Variants in TMPRSS13 observed in about 807,000 individuals in gnomAD.
The protein encoded by TMPRSS13 is transmembrane protease serine 13.
In TMPRSS13, 50 loss-of-function variants were observed where a neutral mutation model predicts 68.4. The ratio of observed to expected loss-of-function variants is 0.73; its 90% CI spans 0.58 to 0.93. The LOEUF (loss-of-function observed/expected upper bound fraction) is 0.93. TMPRSS13 is among the 40% of genes least tolerant of loss of function. The probability of loss-of-function intolerance (pLI) is 0.00; values close to 1 mark genes in which losing one functional copy is unlikely to be tolerated. For synonymous variants in TMPRSS13, 267 were observed against 285.8 expected (o/e 0.93, Z 0.66); for missense variants, 615 against 729.2 (o/e 0.84, Z 1.80).
intron 10 of TMPRSS13, among the ~76,000 whole-genome samples, chr11:117,905,198 A>G (rs2057451860): frequency 6.6e-6 from 1 of 151,592 alleles, no homozygotes; most frequent in African/African-American, 2.4e-5. Flanking sequence ...CCCGGCCTCT[A>G]GATAAGATTA....
At position 117,905,796 on chromosome 11, in the gene TMPRSS13, G is replaced by C. The variant is rs2057459229; in HGVS notation, c.1283-60C>G. On this transcript the variant is annotated intron_variant, in intron 9 of 12. Transcript: ENST00000524993. ...AAGGCTGAGACTTTCAGTAGGGGGA[G>C]GGAGAAGGAGCACAACCACTCTGGG... The C allele has an allele frequency of 3.6e-6, 5 of 1,384,408 alleles. No homozygotes were observed. The East Asian group carries it at 1.0e-4, about 28-fold the overall frequency. 85.8% of individuals were successfully genotyped at this position (1,384,408 alleles called of 1,614,324 possible).
intron 8 of TMPRSS13, among the ~76,000 whole-genome samples, chr11:117,909,336 T>C (rs2057496067): frequency 6.6e-6 from 1 of 152,166 alleles, no homozygotes; most frequent in Non-Finnish European, 1.5e-5. Context: ...CCCAGAGCTC[T>C]TTCCTGCCCA....
intron 7 of TMPRSS13, 72 bp from the exon 8 acceptor site, chr11:117,910,040 G>A (rs1418825031): frequency 6.4e-7 from 1 of 1,563,780 alleles, no homozygotes; most frequent in Admixed American, 1.7e-5. Context: ...TGATCAGGAT[G>A]CCTCTGCTGT....
In TMPRSS13 at chr11:117,903,716, T is replaced by C; in HGVS notation, c.1616A>G (p.Asn539Ser). The C allele has an allele frequency of 6.2e-7, 1 of 1,613,958 alleles. No individual in the cohort carries two copies. Among genetic ancestry groups the C allele is most frequent in the Non-Finnish European group, 8.5e-7 (1 of 1,179,952 alleles). ...CACTTTGGTGTACACACCAGGTTTG[T>C]TTCTCTGGCCACAGCCTGTGCCCCA... ...TSWGTGCGQR[N>S]KPGVYTKVTE... Residue 539 changes from asparagine to serine, a missense_variant, in exon 12 of 13, where the codon AAC (asparagine) becomes AGC (serine). Asn to Ser is a conservative substitution (Grantham distance 46). Coordinates refer to ENST00000524993, the MANE Select transcript of TMPRSS13 (RefSeq NM_001077263.3).
Position 117,921,063 on chromosome 11 carries a change from T to G in TMPRSS13, c.22-2225A>C, listed in dbSNP as rs935083093. The stretch of plus-strand genomic sequence containing the variant: ...CTTTACGGGACCCCATTCCAACCTC[T>G]TGACAGCTCTTTGCAGTTGGTATGG... On this transcript the variant is annotated intron_variant, in intron 1 of 12. Transcript: ENST00000524993. 7.9e-5 allele frequency among the ~76,000 whole-genome samples: 12 copies of G among 152,304 alleles called. 1 individual carries two copies. The East Asian group carries it at 1.2e-3, about 15-fold the overall frequency.
chr11:117,904,083 A>C lies in TMPRSS13; in HGVS notation c.1400T>G (p.Leu467Arg). The part of the protein sequence containing the change: ...RETDDKTSPF[L>R]REVQVNLIDF... Reference sequence around the variant, plus strand: ...GATGAGATTGACCTGCACCTCCCGGAGGAAGGGGGATGTCTTGTCTTCAGT... The same window carrying C: ...GATGAGATTGACCTGCACCTCCCGGCGGAAGGGGGATGTCTTGTCTTCAGT... Residue 467 changes from leucine to arginine, a missense_variant, in exon 11 of 13, where the codon CTC becomes CGC. Leu to Arg is a moderately radical substitution (Grantham distance 102). Coordinates refer to ENST00000524993, the MANE Select transcript of TMPRSS13 (RefSeq NM_001077263.3). 1 of 1,614,022 alleles carries C rather than the reference A, an allele frequency of 6.2e-7. No homozygotes were observed. The highest frequency in any genetic ancestry group is 8.5e-7 in the Non-Finnish European group (1 of 1,179,956).
chr11:117,902,093 C>T lies in TMPRSS13; in HGVS notation c.*146G>A, dbSNP rs1417711463. Reference sequence around the variant, plus strand: ...ATATGCACACACACACACACACACACACACACACACAGAGGCAGCAGACAG... The same window carrying T: ...ATATGCACACACACACACACACACATACACACACACAGAGGCAGCAGACAG... On this transcript the variant is annotated 3_prime_UTR_variant, in exon 13 of 13. Coordinates refer to ENST00000524993, the MANE Select transcript of TMPRSS13 (RefSeq NM_001077263.3). The T allele has an allele frequency of 2.4e-6, 2 of 834,472 alleles. No individual in the cohort carries two copies. Among genetic ancestry groups the T allele is most frequent in the African/African-American group, 3.4e-5 (2 of 59,686 alleles). 51.7% of individuals were successfully genotyped at this position (834,472 alleles called of 1,614,324 possible).
intron 9 of TMPRSS13, 22 bp downstream of exon 9, chr11:117,908,590 C>A (rs80264810): frequency 0.061 from 94,525 of 1,549,592 alleles, 3,332 homozygotes; most frequent in Non-Finnish European, 0.071. Context: ...GGCAGGAGAG[C>A]GGGGAGTGCA....
chr11:117,914,284 C>T lies in TMPRSS13; in HGVS notation c.679+108G>A, dbSNP rs571493772. 1.5e-5 allele frequency: 22 copies of T among 1,433,602 alleles called. No individual in the cohort carries two copies. The highest frequency in any genetic ancestry group is 2.2e-4 in the Middle Eastern group (1 of 4,554). 88.8% of individuals were successfully genotyped at this position (1,433,602 alleles called of 1,614,324 possible). On this transcript the variant is annotated intron_variant, in intron 4 of 12. Transcript: ENST00000524993. The surrounding 1 kb of genome is among the most constrained non-coding windows in gnomAD (Gnocchi z 4.2). Reference sequence around the variant, plus strand: ...AAACATGCACATACACACACATGCACGCACACATATACACACACAGGCATG... The same window carrying T: ...AAACATGCACATACACACACATGCATGCACACATATACACACACAGGCATG...
intron 1 of TMPRSS13, among the ~76,000 whole-genome samples, chr11:117,919,808 G>A (rs2057624609): frequency 6.6e-6 from 1 of 152,228 alleles, no homozygotes; most frequent in South Asian, 2.1e-4. Context: ...ACAGAGTCAG[G>A]GTTCTACCCC....
intron 1 of TMPRSS13, 98 bp downstream of exon 1, chr11:117,929,189 C>A: frequency 9.6e-7 from 1 of 1,044,632 alleles, no homozygotes; most frequent in Non-Finnish European, 1.3e-6. Context: ...TTCCCCCAAA[C>A]CTGAAACACA....
intron 9 of TMPRSS13, among the ~76,000 whole-genome samples, chr11:117,906,032 C>T (rs11601073): frequency 0.39 from 59,242 of 152,138 alleles, 12,627 homozygotes; most frequent in Non-Finnish European, 0.47. Flanking sequence ...TTGTACAAGC[C>T]GATACTGGGC....
chr11:117,914,292 T>C lies in TMPRSS13; in HGVS notation c.679+100A>G. On this transcript the variant is annotated intron_variant, in intron 4 of 12. Transcript: ENST00000524993. This position sits in a 1 kb window ranked among gnomAD's most constrained non-coding sequence, Gnocchi z 4.2. ...ACATACACACACATGCACGCACACA[T>C]ATACACACACAGGCATGCATACACA... 6.7e-7 allele frequency: 1 copy of C among 1,498,494 alleles called. No individual in the cohort carries two copies. Among genetic ancestry groups the C allele is most frequent in the South Asian group, 1.2e-5 (1 of 84,344 alleles). 92.8% of individuals were successfully genotyped at this position (1,498,494 alleles called of 1,614,324 possible). A position where few individuals can be genotyped will look rare whatever the true frequency, so the allele number is the denominator to read the frequency against.
At position 117,902,072 on chromosome 11, in the gene TMPRSS13, G is replaced by GCA. The variant is rs3839950; in HGVS notation, c.*165_*166dup. 9,640 of 643,656 alleles carry GCA rather than the reference G, an allele frequency of 0.015. 113 individuals are homozygous for GCA. The highest frequency in any genetic ancestry group is 0.073 in the African/African-American group (3,913 of 53,860). 39.9% of individuals were successfully genotyped at this position (643,656 alleles called of 1,614,324 possible). On this transcript the variant is annotated 3_prime_UTR_variant, in exon 13 of 13. Coordinates refer to ENST00000524993, the MANE Select transcript of TMPRSS13 (RefSeq NM_001077263.3). ...TGGGAGAGTGGCAATGCACACATAT[G>GCA]CACACACACACACACACACACACAC... is the stretch of plus-strand genomic sequence containing the variant.
intron 1 of TMPRSS13, among the ~76,000 whole-genome samples, chr11:117,923,838 TA>T (rs1555057480): frequency 0.03 from 3,842 of 128,110 alleles, 161 homozygotes; most frequent in African/African-American, 0.1. Context: ...GTATAATAAT[TA>T]AAAAAAAAAA....
intron 5 of TMPRSS13, among the ~76,000 whole-genome samples, chr11:117,913,433 A>G (rs2057542607): frequency 6.6e-6 from 1 of 152,226 alleles, no homozygotes; most frequent in Non-Finnish European, 1.5e-5. Context: ...ATATAAGAAG[A>G]AAAGATCTGC....
chr11:117,916,882 C>T (rs554417098), intron 3 of TMPRSS13, among the ~76,000 whole-genome samples: 2 of 152,298 alleles, frequency 1.3e-5, no homozygotes, highest in East Asian at 3.9e-4. Flanking sequence ...GATGCAGAAA[C>T]TGAGCTCAGG....
intron 12 of TMPRSS13, 30 bp from the exon 13 acceptor site, chr11:117,902,295 G>A (rs2057416335): frequency 1.2e-6 from 2 of 1,613,406 alleles, no homozygotes; most frequent in Non-Finnish European, 1.7e-6. Flanking sequence ...AAGAGGGTGA[G>A]GGTGGGCCAG....
chr11:117,920,500 G>A (rs1202868816), intron 1 of TMPRSS13, among the ~76,000 whole-genome samples: 1 of 151,714 alleles, frequency 6.6e-6, no homozygotes, highest in Non-Finnish European at 1.5e-5. Context: ...CACCGTGCCT[G>A]GCTAATTTTT....
Sources: gnomAD v4.1 joint callset for allele counts (sites outside exome capture counted in the v4.1 genomes callset) on GRCh38, gnomAD v4.1.1 for gene constraint, Gnocchi (gnomAD v3.1) non-coding constraint, MANE v1.5 for transcripts, NCBI Gene and HGNC (gene_info 2026-07-23, HGNC 2026-07-21) for gene names.